The following BCAR3 variants were observed in gnomAD, a reference collection of about 807,000 sequenced individuals.
The protein encoded by BCAR3 is breast cancer anti-estrogen resistance protein 3.
Under a neutral mutation model 80.1 loss-of-function variants are expected in BCAR3, and 37 were observed. The observed-to-expected ratio is 0.46, with a 90% CI of 0.36 to 0.61. The LOEUF (loss-of-function observed/expected upper bound fraction) is 0.61, where lower values mean the gene tolerates loss of function less well. BCAR3 is among the 20% of genes least tolerant of loss of function. BCAR3 has a pLI of 0.00. For missense variants in BCAR3, 978 were observed against 1,068.2 expected (o/e 0.92, Z 1.18); for synonymous variants, 389 against 418.9 (o/e 0.93, Z 0.87).
intron 3 of BCAR3, among the ~76,000 whole-genome samples, chr1:93,616,122 T>G (rs142609731): frequency 6.6e-6 from 1 of 152,266 alleles, no homozygotes; most frequent in East Asian, 1.9e-4. Context: ...GACACTTAGG[T>G]CACTGTGGTA....
chr1:93,749,619 A>G (rs375930969), intron 2 of BCAR3, among the ~76,000 whole-genome samples: 11 of 151,764 alleles, frequency 7.2e-5, no homozygotes, highest in African/African-American at 2.7e-4. Flanking sequence ...AGAAAATCCA[A>G]TCTCTAGAAA....
chr1:93,575,967 T>A (rs376238368), intron 8 of BCAR3, 47 bp downstream of exon 8: 39 of 1,542,488 alleles, frequency 2.5e-5, no homozygotes, highest in Non-Finnish European at 3.3e-5. Flanking sequence ...CTCTGATGCC[T>A]GGAAGGAGCT....
chr1:93,665,509 G>A (rs1256345863), intron 2 of BCAR3, among the ~76,000 whole-genome samples: 1 of 151,942 alleles, frequency 6.6e-6, no homozygotes, highest in Non-Finnish European at 1.5e-5. Context: ...GGAACAAACT[G>A]TGCTGGGATT....
At chr1:93,717,945 G>T (rs1454224556) in intron 2 of BCAR3, among the ~76,000 whole-genome samples, 1 of 152,060 alleles carries the variant, frequency 6.6e-6, no homozygotes, top group Non-Finnish European at 1.5e-5. Flanking sequence ...TGGTGGCAGA[G>T]GGTTGAACTT....
At chr1:93,847,445 G>A (rs1241441383), upstream of BCAR3, 2 of 152,812 alleles carry the variant, frequency 1.3e-5, no homozygotes, top group African/African-American at 2.4e-5. Context: ...TGGCGTTTGA[G>A]GCGGATGGCA....
In BCAR3 at chr1:93,582,469, C is replaced by T. The variant is rs116760841; in HGVS notation, c.1518G>A (p.Thr506=). The T allele has an allele frequency of 5.7e-3, 9,123 of 1,614,152 alleles. 25 individuals are homozygous for T. Among genetic ancestry groups the T allele is most frequent in the Non-Finnish European group, 6.7e-3 (7,941 of 1,180,022 alleles). ...AGGAGGAGACAGTCTCCAGGAGGGGCGTCACAAACTCGCCCTTGTCCCACT... is the reference window on the plus strand; with the variant it reads ...AGGAGGAGACAGTCTCCAGGAGGGGTGTCACAAACTCGCCCTTGTCCCACT... ...KGQWDKGEFV[T]PLLETVSSFR... The change falls in exon 7 of 12, where the codon ACG becomes ACA. Residue 506 remains threonine (T), a synonymous_variant. Coordinates refer to ENST00000260502, the MANE Select transcript of BCAR3 (RefSeq NM_003567.4).
chr1:93,597,721 T>C (rs1674473025), intron 3 of BCAR3, among the ~76,000 whole-genome samples: 1 of 152,212 alleles, frequency 6.6e-6, no homozygotes, highest in Admixed American at 6.5e-5. Context: ...GCAGACTTCA[T>C]GTTCAAGGTC....
At chr1:93,755,416 G>C (rs1438720989) in intron 2 of BCAR3, among the ~76,000 whole-genome samples, 1 of 152,166 alleles carries the variant, frequency 6.6e-6, no homozygotes, top group Non-Finnish European at 1.5e-5. Flanking sequence ...TCCATTCATG[G>C]TAAGTGCCCT....
At chr1:93,798,067 G>T (rs1337218376) in intron 2 of BCAR3, among the ~76,000 whole-genome samples, 1 of 152,140 alleles carries the variant, frequency 6.6e-6, no homozygotes, top group Non-Finnish European at 1.5e-5. Flanking sequence ...AACTACTGTG[G>T]GTGAGGGTTT....
chr1:93,845,479 TATATATATATATATATATA>T (rs546642844), intron 2 of BCAR3: 167 of 4,654 alleles, frequency 0.036, 12 homozygotes, highest in African/African-American at 0.092. Context: ...TATATATATA[TATATATATATATATATATA>T]TATAAAACTT....
At chr1:93,624,701 A>C (rs1166190974) in intron 3 of BCAR3, among the ~76,000 whole-genome samples, 2 of 152,248 alleles carry the variant, frequency 1.3e-5, no homozygotes, top group Non-Finnish European at 2.9e-5. Flanking sequence ...CCTGGAACTA[A>C]GATGTGCAGT....
chr1:93,596,845 C>T (rs1300394871), intron 3 of BCAR3, among the ~76,000 whole-genome samples: 8 of 152,144 alleles, frequency 5.3e-5, no homozygotes, highest in African/African-American at 4.8e-5. Flanking sequence ...AGTTGGTTTT[C>T]GCTGCCTCAG....
chr1:93,812,342 C>A (rs903901928), intron 2 of BCAR3, among the ~76,000 whole-genome samples: 1 of 152,132 alleles, frequency 6.6e-6, no homozygotes, highest in Non-Finnish European at 1.5e-5. Context: ...AAGTCTCCCC[C>A]TCTCCTATCT....
At chr1:93,644,720 G>A (rs1676099692) in intron 2 of BCAR3, among the ~76,000 whole-genome samples, 1 of 152,152 alleles carries the variant, frequency 6.6e-6, no homozygotes, top group African/African-American at 2.4e-5. Context: ...AGAAGACTCA[G>A]GACCCTGAAG....
At chr1:93,717,719 C>CA (rs1230098499) in intron 2 of BCAR3, among the ~76,000 whole-genome samples, 5,749 of 57,224 alleles carry the variant, frequency 0.1, 395 homozygotes, top group African/African-American at 0.26. Flanking sequence ...GACTCCACCT[C>CA]AAAAAAAAAA....
At chr1:93,816,988 A>AG (rs1303355643) in intron 2 of BCAR3, among the ~76,000 whole-genome samples, 1 of 152,102 alleles carries the variant, frequency 6.6e-6, no homozygotes, top group African/African-American at 2.4e-5. Context: ...CAAAAAAAAA[A>AG]GTCATAATAA....
At chr1:93,732,304 G>T (rs1650817219) in intron 2 of BCAR3, among the ~76,000 whole-genome samples, 1 of 152,160 alleles carries the variant, frequency 6.6e-6, no homozygotes, top group Non-Finnish European at 1.5e-5. Context: ...GGGAGACAGA[G>T]AATGAAAGAG....
chr1:93,618,957 T>C (rs957033343), intron 3 of BCAR3, among the ~76,000 whole-genome samples: 1 of 150,386 alleles, frequency 6.6e-6, no homozygotes, highest in Non-Finnish European at 1.5e-5. Context: ...TTTTTTAATC[T>C]GAGACGGAAT....
chr1:93,601,158 C>T (rs780612971), intron 3 of BCAR3, among the ~76,000 whole-genome samples: 1 of 152,196 alleles, frequency 6.6e-6, no homozygotes, highest in Non-Finnish European at 1.5e-5. Context: ...ATACCTGGCA[C>T]ATGGATGCTC....
Sources: gnomAD v4.1 joint callset for allele counts (sites outside exome capture counted in the v4.1 genomes callset) on GRCh38, gnomAD v4.1.1 for gene constraint, MANE v1.5 for transcripts, NCBI Gene and HGNC (gene_info 2026-07-23, HGNC 2026-07-21) for gene names.